APLNR: variants seen among roughly 807,000 people sequenced by gnomAD.
APLNR encodes apelin receptor.
Under a neutral mutation model 23.4 loss-of-function variants are expected in APLNR, and 13 were observed. The observed-to-expected ratio is 0.56, with a 90% confidence interval of 0.36 to 0.88. The LOEUF (loss-of-function observed/expected upper bound fraction) is 0.88. Ranked by LOEUF, APLNR falls within the 40% of genes least tolerant of loss-of-function variation. APLNR has a pLI of 0.01. For missense variants in APLNR, 480 were observed against 517.1 expected, an observed-to-expected ratio of 0.93 and a Z score of 0.70; for synonymous variants, 234 against 211.9, an observed-to-expected ratio of 1.10 and a Z score of -0.91.
Position 57,235,457 on chromosome 11 carries a change from C to T in APLNR, c.*405G>A, listed in dbSNP as rs1053260683. On this transcript the variant is annotated 3_prime_UTR_variant, in exon 1 of 1. Coordinates refer to ENST00000606794, the MANE Select transcript of APLNR (RefSeq NM_005161.6). ...AGAAGGCAGGGATAAGGAGCGGCAG[C>T]TGCAGAGAGTGGTGGGGGAAAAACT... The T allele has an allele frequency of 6.1e-6, 1 of 164,080 alleles. No individual in the cohort carries two copies. Among genetic ancestry groups the T allele is most frequent in the Non-Finnish European group, 1.3e-5 (1 of 76,408 alleles). 10.2% of individuals were successfully genotyped at this position (164,080 alleles called of 1,614,324 possible).
chr11:57,235,659 G>A lies in APLNR; in HGVS notation c.*203C>T. 1 of 607,886 alleles carries A rather than the reference G, an allele frequency of 1.6e-6. No individual in the cohort carries two copies. Among genetic ancestry groups the A allele is most frequent in the South Asian group, 2.3e-5 (1 of 42,608 alleles). 37.7% of individuals were successfully genotyped at this position (607,886 alleles called of 1,614,324 possible). On this transcript the variant is annotated 3_prime_UTR_variant, in exon 1 of 1. Coordinates refer to ENST00000606794, the MANE Select transcript of APLNR (RefSeq NM_005161.6). ...GATTAAATGGCTTGTGCAGGGTCAG[G>A]TCTGTAGAGCCCAGTCTCTTTCCCC...
rs1855027438 is a variant in APLNR at position 57,237,038 on chromosome 11, C to T, written c.-34G>A. ...GTGGAGAGAAGACGGGCAGAGGGTCCCAGGGACACCAGCTCCGTGGCTCTG... is the reference window on the plus strand; with the variant it reads ...GTGGAGAGAAGACGGGCAGAGGGTCTCAGGGACACCAGCTCCGTGGCTCTG... On this transcript the variant is annotated 5_prime_UTR_variant, in exon 1 of 1. Transcript: ENST00000606794. 6.5e-7 allele frequency: 1 copy of T among 1,532,420 alleles called. No individual in the cohort carries two copies. The highest frequency in any genetic ancestry group is 2.1e-5 in the Admixed American group (1 of 48,506). 94.9% of individuals were successfully genotyped at this position (1,532,420 alleles called of 1,614,324 possible).
chr11:57,234,781 C>T lies in APLNR; in HGVS notation c.*1081G>A, dbSNP rs1237058876. The T allele has an allele frequency of 1.3e-5, 2 of 152,258 alleles. No individual in the cohort carries two copies. Among genetic ancestry groups the T allele is most frequent in the African/African-American group, 4.8e-5 (2 of 41,450 alleles). The allele number at this position is 152,258 out of a possible 1,614,324, so 9.4% of individuals were successfully genotyped here. A position where few individuals can be genotyped will look rare whatever the true frequency, so the allele number is the denominator to read the frequency against. On this transcript the variant is annotated 3_prime_UTR_variant, in exon 1 of 1. Transcript: ENST00000606794. ...AAGAGGCAGGCATCTCCATCCCAAA[C>T]AACATGATTCTTGGCACCAAGTAGC...
In APLNR at chr11:57,236,411, C is replaced by T. The variant is rs61731623; in HGVS notation, c.594G>A (p.Glu198=). ...TGGTGGACGAGACCCCAAGGCCCAC[C>T]TCCCAGGCCCACTCTGAGCTCACAG... The part of the protein sequence containing the change: ...VATVSSEWAW[E]VGLGVSSTTV... The change falls in exon 1 of 1, where the codon GAG becomes GAA. Residue 198 remains glutamate, a synonymous_variant. Transcript: ENST00000606794. 3.7e-6 allele frequency: 6 copies of T among 1,614,050 alleles called. No homozygotes were observed. Among genetic ancestry groups the T allele is most frequent in the Middle Eastern group, 1.6e-4 (1 of 6,084 alleles).
At position 57,236,046 on chromosome 11, in the gene APLNR, C is replaced by T. The variant is rs1324943024; in HGVS notation, c.959G>A (p.Cys320Tyr). The T allele has an allele frequency of 1.2e-6, 2 of 1,614,260 alleles. No individual in the cohort carries two copies. The highest frequency in any genetic ancestry group is 1.7e-6 in the Non-Finnish European group (2 of 1,180,050). ...AFFDPRFRQA[C>Y]TSMLCCGQSR... ...CTGGCCACAGCAGAGCATGGAGGTG[C>T]AGGCCTGGCGGAAGCGGGGGTCGAA... Residue 320 changes from cysteine to tyrosine, a missense_variant, in exon 1 of 1, where the codon TGC becomes TAC. By Grantham distance (194) the Cys-to-Tyr change is radical. Transcript: ENST00000606794.
chr11:57,236,050 C>A lies in APLNR; in HGVS notation c.955G>T (p.Ala319Ser). 1 of 1,614,232 alleles carries A rather than the reference C, an allele frequency of 6.2e-7. No homozygotes were observed. Among genetic ancestry groups the A allele is most frequent in the African/African-American group, 1.3e-5 (1 of 75,076 alleles). ...CCACAGCAGAGCATGGAGGTGCAGG[C>A]CTGGCGGAAGCGGGGGTCGAAAAAG... Reference protein sequence around the residue: ...YAFFDPRFRQACTSMLCCGQS... With the variant: ...YAFFDPRFRQSCTSMLCCGQS... The change falls in exon 1 of 1, where the codon GCC (alanine) becomes TCC (serine). Residue 319 changes from alanine to serine, a missense_variant. Ala to Ser is a moderately conservative substitution (Grantham distance 99). Coordinates refer to ENST00000606794, the MANE Select transcript of APLNR (RefSeq NM_005161.6).
chr11:57,235,820 C>A lies in APLNR; in HGVS notation c.*42G>T. ...ATTTTCAGAAAGCAAGGGCAAAGGC[C>A]GGGGAGGGCCGAGGGCGCCAGGCTT... On this transcript the variant is annotated 3_prime_UTR_variant, in exon 1 of 1. Transcript: ENST00000606794. The A allele has an allele frequency of 1.3e-6, 2 of 1,556,342 alleles. No individual in the cohort carries two copies.
In APLNR at chr11:57,236,381, C is replaced by G. The variant is rs1208723540; in HGVS notation, c.624G>C (p.Val208=). Residue 208 remains valine (V), a synonymous_variant, in exon 1 of 1, where the codon GTG becomes GTC. Transcript: ENST00000606794. ...TGATGGTGAAGGGCACCACAAAGCC[C>G]ACGGTGGTGGACGAGACCCCAAGGC... ...EVGLGVSSTT[V]GFVVPFTIML... is the part of the protein sequence containing the mutation. 1.2e-6 allele frequency: 2 copies of G among 1,614,068 alleles called. No individual in the cohort carries two copies. Among genetic ancestry groups the G allele is most frequent in the African/African-American group, 1.3e-5 (1 of 75,060 alleles).
Position 57,236,048 on chromosome 11 carries a change from G to A in APLNR, c.957C>T (p.Ala319=), listed in dbSNP as rs774562133. 18 of 1,614,286 alleles carry A rather than the reference G, an allele frequency of 1.1e-5. No homozygotes were observed. Among genetic ancestry groups the A allele is most frequent in the Non-Finnish European group, 1.5e-5 (18 of 1,180,056 alleles). ...GGCCACAGCAGAGCATGGAGGTGCA[G>A]GCCTGGCGGAAGCGGGGGTCGAAAA... ...YAFFDPRFRQ[A]CTSMLCCGQS... is the part of the protein sequence containing the mutation. Residue 319 remains alanine, a synonymous_variant, in exon 1 of 1, where the codon GCC becomes GCT. Coordinates refer to ENST00000606794, the MANE Select transcript of APLNR (RefSeq NM_005161.6).
At position 57,236,291 on chromosome 11, in the gene APLNR, C is replaced by T; in HGVS notation, c.714G>A (p.Glu238=). 1 of 1,614,200 alleles carries T rather than the reference C, an allele frequency of 6.2e-7. No homozygotes were observed. The highest frequency in any genetic ancestry group is 2.2e-5 in the East Asian group (1 of 44,886). The change falls in exon 1 of 1, where the codon GAG becomes GAA. Residue 238 remains glutamate (E), a synonymous_variant. Coordinates refer to ENST00000606794, the MANE Select transcript of APLNR (RefSeq NM_005161.6). The part of the protein sequence containing the change: ...IAGHFRKERI[E]GLRKRRRLLS... The stretch of plus-strand genomic sequence containing the variant: ...GCAGCCGGCGCCGCTTCCGCAGGCC[C>T]TCGATGCGTTCCTTGCGGAAGTGGC...
rs769341289 is a variant in APLNR, at chr11:57,236,952, T to A, written c.53A>T (p.Glu18Val). 1 of 1,612,192 alleles carries A rather than the reference T, an allele frequency of 6.2e-7. No homozygotes were observed. The highest frequency in any genetic ancestry group is 1.1e-5 in the South Asian group (1 of 90,680). Residue 18 changes from glutamate to valine, a missense_variant, in exon 1 of 1, where the codon GAG becomes GTG. Coordinates refer to ENST00000606794, the MANE Select transcript of APLNR (RefSeq NM_005161.6). ...DNYYGADNQS[E>V]CEYTDWKSSG... Reference sequence around the variant, plus strand: ...GGATTTCCAGTCTGTGTACTCACACTCAGACTGGTTGTCTGCCCCATAGTA... The same window carrying A: ...GGATTTCCAGTCTGTGTACTCACACACAGACTGGTTGTCTGCCCCATAGTA...
chr11:57,236,262 C>A lies in APLNR; in HGVS notation c.743G>T (p.Ser248Ile), dbSNP rs765646849. Residue 248 changes from serine to isoleucine, a missense_variant, in exon 1 of 1, where the codon AGC (serine) becomes ATC (isoleucine). Physicochemically the swap from Ser to Ile is moderately radical, Grantham distance 142. Transcript: ENST00000606794. Reference protein sequence around the residue: ...EGLRKRRRLLSIIVVLVVTFA... With the variant: ...EGLRKRRRLLIIIVVLVVTFA... The stretch of plus-strand genomic sequence containing the variant: ...GGTCACCACCAGCACCACGATGATG[C>A]TGAGCAGCCGGCGCCGCTTCCGCAG... The A allele has an allele frequency of 1.9e-6, 3 of 1,614,064 alleles. No homozygotes were observed. Among genetic ancestry groups the A allele is most frequent in the Non-Finnish European group, 2.5e-6 (3 of 1,179,972 alleles).
Position 57,237,181 on chromosome 11 carries a change from C to G in APLNR, c.-177G>C. 1 of 635,254 alleles carries G rather than the reference C, an allele frequency of 1.6e-6. No individual in the cohort carries two copies. Among genetic ancestry groups the G allele is most frequent in the South Asian group, 2.4e-5 (1 of 42,232 alleles). 39.4% of individuals were successfully genotyped at this position (635,254 alleles called of 1,614,324 possible). A position where few individuals can be genotyped will look rare whatever the true frequency, so the allele number is the denominator to read the frequency against. ...GGAGCTGCCTCTGGGTTCTCCAGAC[C>G]CTGGAGGAAGCCTGTCTCCTGCAGA... On this transcript the variant is annotated 5_prime_UTR_variant, in exon 1 of 1. Coordinates refer to ENST00000606794, the MANE Select transcript of APLNR (RefSeq NM_005161.6).
chr11:57,234,971 C>T lies in APLNR; in HGVS notation c.*891G>A, dbSNP rs1854988445. ...CCCCTCCATCCTCTCTCTCTAGTTG[C>T]CCTTCCCAACTCCCCACTCACATAA... On this transcript the variant is annotated 3_prime_UTR_variant, in exon 1 of 1. Transcript: ENST00000606794. The T allele has an allele frequency of 6.6e-6, 1 of 152,198 alleles. No individual in the cohort carries two copies. Among genetic ancestry groups the T allele is most frequent in the South Asian group, 2.1e-4 (1 of 4,824 alleles). 9.4% of individuals were successfully genotyped at this position (152,198 alleles called of 1,614,324 possible).
Position 57,233,734 on chromosome 11 carries a change from T to A in APLNR, c.*2128A>T, listed in dbSNP as rs1488658010. 6.6e-6 allele frequency: 1 copy of A among 152,032 alleles called. No individual in the cohort carries two copies. Among genetic ancestry groups the A allele is most frequent in the Admixed American group, 6.6e-5 (1 of 15,262 alleles). 9.4% of individuals were successfully genotyped at this position (152,032 alleles called of 1,614,324 possible). On this transcript the variant is annotated 3_prime_UTR_variant, in exon 1 of 1. Transcript: ENST00000606794. The stretch of plus-strand genomic sequence containing the variant: ...GCTTCTGTCCCAGTTCACAGATGAG[T>A]TCCAGGCAGGAAGTCTCTGCAGGTC...
rs1033392066 is a variant in APLNR, at chr11:57,237,145, A to G, written c.-141T>C. 30 of 844,116 alleles carry G rather than the reference A, an allele frequency of 3.6e-5. No individual in the cohort carries two copies. Among genetic ancestry groups the G allele is most frequent in the Admixed American group, 6.1e-5 (2 of 32,938 alleles). 52.3% of individuals were successfully genotyped at this position (844,116 alleles called of 1,614,324 possible). A position where few individuals can be genotyped will look rare whatever the true frequency, so the allele number is the denominator to read the frequency against. ...GCTGAAGATGCCCAGAGTCCTTCCC[A>G]GCACTCAGGAGGAGCTGCCTCTGGG... On this transcript the variant is annotated 5_prime_UTR_variant, in exon 1 of 1. Transcript: ENST00000606794.
Position 57,233,979 on chromosome 11 carries a change from T to G in APLNR, c.*1883A>C, listed in dbSNP as rs1854970700. The G allele has an allele frequency of 6.6e-6, 1 of 152,234 alleles. No homozygotes were observed. The allele number at this position is 152,234 out of a possible 1,614,324, so 9.4% of individuals were successfully genotyped here. A position where few individuals can be genotyped will look rare whatever the true frequency, so the allele number is the denominator to read the frequency against. ...GGGAGGGTCAAGATGTCCATTCACA[T>G]CAAGCTGGGCTTTTCTTATCTCCAT... On this transcript the variant is annotated 3_prime_UTR_variant, in exon 1 of 1. Coordinates refer to ENST00000606794, the MANE Select transcript of APLNR (RefSeq NM_005161.6).
Position 57,235,837 on chromosome 11 carries a change from G to A in APLNR, c.*25C>T, listed in dbSNP as rs200674887. 3.4e-5 allele frequency: 54 copies of A among 1,570,778 alleles called. No homozygotes were observed. Among genetic ancestry groups the A allele is most frequent in the South Asian group, 2.4e-4 (20 of 82,650 alleles). ...GCAAAGGCCGGGGAGGGCCGAGGGC[G>A]CCAGGCTTCTCTCTGCTCCCAGCCC... On this transcript the variant is annotated 3_prime_UTR_variant, in exon 1 of 1. Coordinates refer to ENST00000606794, the MANE Select transcript of APLNR (RefSeq NM_005161.6).
In APLNR at chr11:57,234,005, C is replaced by T. The variant is rs1305742889; in HGVS notation, c.*1857G>A. 3.9e-5 allele frequency: 6 copies of T among 152,354 alleles called. No individual in the cohort carries two copies. The highest frequency in any genetic ancestry group is 3.9e-4 in the East Asian group (2 of 5,172). 9.4% of individuals were successfully genotyped at this position (152,354 alleles called of 1,614,324 possible). The stretch of plus-strand genomic sequence containing the variant: ...CAAGCTGGGCTTTTCTTATCTCCAT[C>T]GCTCATGTCTTGTCCTTCACTTTCA... On this transcript the variant is annotated 3_prime_UTR_variant, in exon 1 of 1. Transcript: ENST00000606794.
Sources: allele counts gnomAD v4.1 joint callset, GRCh38; gene constraint gnomAD v4.1.1; transcripts MANE v1.5; gene names NCBI Gene and HGNC (gene_info 2026-07-23, HGNC 2026-07-21).